CHAF1B: variants seen among roughly 807,000 people sequenced by gnomAD.
CHAF1B encodes CAF-1 subunit B.
Under a neutral mutation model 60.7 loss-of-function variants are expected in CHAF1B, and 10 were observed. The observed-to-expected ratio is 0.16, with a 90% CI of 0.10 to 0.28. The LOEUF is 0.28. CHAF1B is among the 10% of genes least tolerant of loss of function. The pLI is 1.00. For synonymous variants in CHAF1B, 261 were observed against 266.1 expected, an observed-to-expected ratio of 0.98 and a Z score of 0.19; for missense variants, 558 against 708.4, an observed-to-expected ratio of 0.79 and a Z score of 2.41.
chr21:36,402,375 G>C (rs2086198063), intron 7 of CHAF1B, among the ~76,000 whole-genome samples: 3 of 152,128 alleles, frequency 2.0e-5, no homozygotes, highest in Admixed American at 2.0e-4. Context: ...AGGTCTCCTG[G>C]TCATCTTCCC....
chr21:36,394,532 G>T lies in CHAF1B; in HGVS notation c.378-15G>T, dbSNP rs368857178. Reference sequence around the variant, plus strand: ...GGGAGTAATTGCTTTTTTCCTCTTTGTTTTTGGATTCTAGGGGCCACTTAG... The same window carrying T: ...GGGAGTAATTGCTTTTTTCCTCTTTTTTTTTGGATTCTAGGGGCCACTTAG... On this transcript the variant is annotated splice_polypyrimidine_tract_variant and intron_variant, in intron 4 of 13. Coordinates refer to ENST00000314103, the MANE Select transcript of CHAF1B (RefSeq NM_005441.3). 1.3e-5 allele frequency: 21 copies of T among 1,591,210 alleles called. No homozygotes were observed. The African/African-American group carries it at 2.8e-4, about 21-fold the overall frequency.
intron 8 of CHAF1B, among the ~76,000 whole-genome samples, chr21:36,404,607 T>C (rs1034152142): frequency 6.7e-6 from 1 of 150,224 alleles, no homozygotes; most frequent in Admixed American, 6.6e-5. Flanking sequence ...GCTAATTTTG[T>C]ATTTTTAGTA....
intron 8 of CHAF1B, among the ~76,000 whole-genome samples, chr21:36,407,394 CAG>C (rs2146372861): frequency 6.6e-6 from 1 of 151,412 alleles, no homozygotes; most frequent in Admixed American, 6.6e-5. Flanking sequence ...TACTCATTAA[CAG>C]AGGCTGGGTG....
Position 36,413,234 on chromosome 21 carries a change from C to T in CHAF1B, c.1412C>T (p.Pro471Leu), listed in dbSNP as rs576173828. ...CCTTCGGAGGAGAAGACCCTGCAGC[C>T]CAGTAGTCAAAACACAAAAGCCCAC... is the stretch of plus-strand genomic sequence containing the variant. The part of the protein sequence containing the change: ...PGPSEEKTLQ[P>L]SSQNTKAHPS... The change falls in exon 12 of 14, where the codon CCC (proline) becomes CTC (leucine). Residue 471 changes from proline (P) to leucine (L), a missense_variant. Physicochemically the swap from Pro to Leu is moderately conservative, Grantham distance 98 (BLOSUM62 -3). Coordinates refer to ENST00000314103, the MANE Select transcript of CHAF1B (RefSeq NM_005441.3). The T allele has an allele frequency of 6.2e-7, 1 of 1,611,822 alleles. No individual in the cohort carries two copies. The highest frequency in any genetic ancestry group is 1.1e-5 in the South Asian group (1 of 90,968).
chr21:36,397,605 CAT>C, intron 6 of CHAF1B, 94 bp downstream of exon 6: 1 of 527,950 alleles, frequency 1.9e-6, no homozygotes. Flanking sequence ...CAAGATTTAT[CAT>C]AGTCTAACTT....
chr21:36,402,348 A>G (rs561689307), intron 7 of CHAF1B, among the ~76,000 whole-genome samples: 134 of 152,316 alleles, frequency 8.8e-4, no homozygotes, highest in South Asian at 3.3e-3. Context: ...TAATGAATCC[A>G]CACAGATAGA....
chr21:36,408,672 C>A, intron 8 of CHAF1B, 89 bp from the exon 9 acceptor site: 2 of 867,490 alleles, frequency 2.3e-6, no homozygotes, highest in Admixed American at 1.9e-5. Flanking sequence ...TTTTGCAAAC[C>A]GGACCTGAAG....
At chr21:36,385,846 T>C (rs1018618019) in intron 1 of CHAF1B, among the ~76,000 whole-genome samples, 1 of 152,140 alleles carries the variant, frequency 6.6e-6, no homozygotes, top group African/African-American at 2.4e-5. Context: ...CCTGGGTGTT[T>C]CGTTTTGCTT....
At chr21:36,388,146 G>T (rs2086050642) in intron 3 of CHAF1B, among the ~76,000 whole-genome samples, 1 of 152,034 alleles carries the variant, frequency 6.6e-6, no homozygotes, top group South Asian at 2.1e-4. Flanking sequence ...TAGTTCAGGT[G>T]TGGCTGACCC....
intron 4 of CHAF1B, among the ~76,000 whole-genome samples, chr21:36,392,883 C>T (rs941064735): frequency 4.6e-5 from 7 of 152,172 alleles, no homozygotes; most frequent in Non-Finnish European, 7.4e-5. Context: ...GAGGTTGTAG[C>T]GAGCGGAGAC....
Position 36,408,858 on chromosome 21 carries a change from G to A in CHAF1B, c.827+28G>A, listed in dbSNP as rs780552265. The A allele has an allele frequency of 5.9e-6, 9 of 1,529,200 alleles. No individual in the cohort carries two copies. In the South Asian group the frequency reaches 1.0e-4, roughly 17 times the overall value. The allele number at this position is 1,529,200 out of a possible 1,614,324, so 94.7% of individuals were successfully genotyped here. On this transcript the variant is annotated intron_variant, in intron 9 of 13. Transcript: ENST00000314103. ...ATGCAGTCAAGGAAATGTTTGAAAT[G>A]TTTACATTTTTTTTAGACGGAGTTT...
At chr21:36,397,628 G>C (rs1055976164) in intron 6 of CHAF1B, 117 bp downstream of exon 6, 31 of 403,346 alleles carry the variant, frequency 7.7e-5, no homozygotes, top group African/African-American at 6.5e-4. Context: ...TGATTCTTTT[G>C]TTCTTGTTTT....
intron 3 of CHAF1B, chr21:36,388,993 G>A (rs1331114613): frequency 2.0e-5 from 3 of 152,234 alleles, no homozygotes; most frequent in African/African-American, 7.2e-5. Flanking sequence ...TTTCTTCACA[G>A]TGACATACTT....
intron 4 of CHAF1B, among the ~76,000 whole-genome samples, chr21:36,391,969 G>A (rs536273178): frequency 3.7e-4 from 46 of 122,824 alleles, no homozygotes; most frequent in African/African-American, 1.3e-3. Flanking sequence ...GGTGTTTCTC[G>A]GAGAGGGGGA....
intron 12 of CHAF1B, among the ~76,000 whole-genome samples, chr21:36,414,141 C>T (rs981604853): frequency 6.6e-6 from 1 of 152,238 alleles, no homozygotes; most frequent in African/African-American, 2.4e-5. Flanking sequence ...GCAGCACAGC[C>T]TCCTGTTTCC....
rs774276322 is a variant in CHAF1B at position 36,409,370 on chromosome 21, T to C, written c.828-4T>C. The C allele has an allele frequency of 1.2e-5, 20 of 1,611,016 alleles. No homozygotes were observed. The Admixed American group carries it at 2.8e-4, about 23-fold the overall frequency. Reference sequence around the variant, plus strand: ...TTTTCCTAACACTGCAATTAATCCATTAGGCCCATCGCTCATCTTCCATGT... The same window carrying C: ...TTTTCCTAACACTGCAATTAATCCACTAGGCCCATCGCTCATCTTCCATGT... On this transcript the variant is annotated splice_polypyrimidine_tract_variant and splice_region_variant and intron_variant, in intron 9 of 13. Coordinates refer to ENST00000314103, the MANE Select transcript of CHAF1B (RefSeq NM_005441.3).
In CHAF1B at chr21:36,411,455, A is replaced by G. The variant is rs760088106; in HGVS notation, c.920-8A>G. On this transcript the variant is annotated splice_region_variant and splice_polypyrimidine_tract_variant and intron_variant, in intron 10 of 13. Coordinates refer to ENST00000314103, the MANE Select transcript of CHAF1B (RefSeq NM_005441.3). The stretch of plus-strand genomic sequence containing the variant: ...TGGTTTTACTTTGTCTCTGTCCCCA[A>G]CCCCCAGGTGTGGAGCTGATGAGTC... 1 of 1,612,686 alleles carries G rather than the reference A, an allele frequency of 6.2e-7. No individual in the cohort carries two copies. Among genetic ancestry groups the G allele is most frequent in the Non-Finnish European group, 8.5e-7 (1 of 1,179,692 alleles).
chr21:36,409,519 A>T (rs2086261517), intron 10 of CHAF1B, 54 bp downstream of exon 10: 1 of 1,327,546 alleles, frequency 7.5e-7, no homozygotes, highest in Non-Finnish European at 1.1e-6. Flanking sequence ...ACAGGTCACC[A>T]GAGTGGGGTG....
At chr21:36,392,649 G>A (rs2086100502) in intron 4 of CHAF1B, among the ~76,000 whole-genome samples, 1 of 151,840 alleles carries the variant, frequency 6.6e-6, no homozygotes, top group Non-Finnish European at 1.5e-5. Flanking sequence ...TCTCTTCCCA[G>A]ACGGGGCGGC....
Sources: allele counts gnomAD v4.1 joint callset (sites outside exome capture counted in the v4.1 genomes callset), GRCh38; gene constraint gnomAD v4.1.1; transcripts MANE v1.5; gene names NCBI Gene and HGNC (gene_info 2026-07-23, HGNC 2026-07-21).